ACMSD: variants seen among roughly 807,000 people sequenced by gnomAD.
ACMSD encodes the protein 2-amino-3-carboxymuconate-6-semialdehyde decarboxylase.
A neutral mutation model predicts 45.9 loss-of-function variants in ACMSD; 37 were observed. The observed-to-expected ratio is 0.81, with a 90% CI of 0.62 to 1.06. ACMSD has a LOEUF of 1.06. Ranked by LOEUF, ACMSD falls within the 50% of genes least tolerant of loss-of-function variation. The probability of loss-of-function intolerance (pLI) is 0.00; values close to 1 mark genes in which losing one functional copy is unlikely to be tolerated. For missense variants in ACMSD, 434 were observed against 420.9 expected, an observed-to-expected ratio of 1.03 and a Z score of -0.27; for synonymous variants, 138 against 148.8, an observed-to-expected ratio of 0.93 and a Z score of 0.53.
At chr2:134,859,506 G>T in intron 3 of ACMSD, 149 bp downstream of exon 3, 1 of 651,434 alleles carries the variant, frequency 1.5e-6, no homozygotes, top group Non-Finnish European at 2.7e-6. Context: ...GGAGGGACAG[G>T]GCCTTCCACT....
chr2:134,877,220 A>C (rs910412046), intron 8 of ACMSD, among the ~76,000 whole-genome samples: 8 of 152,208 alleles, frequency 5.3e-5, no homozygotes, highest in Non-Finnish European at 7.3e-5. Context: ...AGCAATAGAA[A>C]CTTTTCAGCT....
At chr2:134,853,429 A>C (rs1167326820) in intron 2 of ACMSD, among the ~76,000 whole-genome samples, 1 of 152,138 alleles carries the variant, frequency 6.6e-6, no homozygotes, top group South Asian at 2.1e-4. Context: ...TAAAAAAAAA[A>C]AACTTGATTT....
At chr2:134,875,110 C>T (rs1688665930) in intron 8 of ACMSD, among the ~76,000 whole-genome samples, 1 of 152,154 alleles carries the variant, frequency 6.6e-6, no homozygotes, top group Admixed American at 6.5e-5. Context: ...AAGCCATCCT[C>T]CCACCTCAGC....
At chr2:134,880,736 G>C (rs537640539) in intron 8 of ACMSD, among the ~76,000 whole-genome samples, 1 of 151,466 alleles carries the variant, frequency 6.6e-6, no homozygotes, top group Non-Finnish European at 1.5e-5. Context: ...TTAAAGTCTC[G>C]GTCTTTCATA....
intron 7 of ACMSD, 68 bp from the exon 8 acceptor site, chr2:134,872,401 A>G: frequency 6.3e-7 from 1 of 1,577,722 alleles, no homozygotes; most frequent in South Asian, 1.1e-5. Context: ...CTTCTTGCAT[A>G]TAACATCAAG....
At chr2:134,871,113 G>C in intron 7 of ACMSD, 53 bp downstream of exon 7, 1 of 1,454,304 alleles carries the variant, frequency 6.9e-7, no homozygotes, top group Non-Finnish European at 9.6e-7. Flanking sequence ...AAATCCCACA[G>C]ATGGGGTGAC....
intron 2 of ACMSD, among the ~76,000 whole-genome samples, chr2:134,853,736 T>C (rs750307917): frequency 1.8e-4 from 28 of 152,184 alleles, no homozygotes; most frequent in South Asian, 6.2e-4. Flanking sequence ...GGGGGCTTAT[T>C]ATACGGGCAC....
chr2:134,872,364 T>C, intron 7 of ACMSD, 105 bp from the exon 8 acceptor site: 5 of 1,272,904 alleles, frequency 3.9e-6, no homozygotes, highest in Non-Finnish European at 5.5e-6. Context: ...CCTCTGTAAT[T>C]ACTGTTAATC....
chr2:134,853,478 G>T (rs13431867), intron 2 of ACMSD, among the ~76,000 whole-genome samples: 1 of 152,070 alleles, frequency 6.6e-6, no homozygotes, highest in Non-Finnish European at 1.5e-5. Flanking sequence ...TTGGGCTCTG[G>T]TTGTCTAAAT....
rs1687873103 is a variant in ACMSD, at chr2:134,862,004, A to T, written c.235A>T (p.Met79Leu). The change falls in exon 4 of 10, where the codon ATG (methionine) becomes TTG (leucine). Residue 79 changes from methionine (M) to leucine (L), a missense_variant. By Grantham distance (15) the Met-to-Leu change is conservative. Transcript: ENST00000356140. ...GCAAGCCCTTTCCACAGTTCCTGTC[A>T]TGTTTAGCTACTGGGTGAGTGTGAA... ...TVQALSTVPV[M>L]FSYWAKPEDT... 1 of 1,613,990 alleles carries T rather than the reference A, an allele frequency of 6.2e-7. No homozygotes were observed. Among genetic ancestry groups the T allele is most frequent in the South Asian group, 1.1e-5 (1 of 91,080 alleles).
intron 2 of ACMSD, among the ~76,000 whole-genome samples, chr2:134,847,850 T>C (rs113970919): frequency 0.029 from 3,208 of 111,376 alleles, 124 homozygotes; most frequent in African/African-American, 0.11. Flanking sequence ...TCTTTTCTTC[T>C]TTTTCTTTTT....
At chr2:134,882,625 G>A (rs1052669006) in intron 8 of ACMSD, among the ~76,000 whole-genome samples, 5 of 152,166 alleles carry the variant, frequency 3.3e-5, no homozygotes, top group African/African-American at 1.2e-4. Flanking sequence ...CTCTTTCTCT[G>A]GGAAATTATG....
chr2:134,861,863 A>G (rs1271149865), intron 3 of ACMSD, 106 bp from the exon 4 acceptor site: 1 of 1,166,718 alleles, frequency 8.6e-7, no homozygotes, highest in Admixed American at 1.7e-5. Context: ...GAGGGAGAGC[A>G]GGAGGAGTTT....
At chr2:134,884,089 T>C (rs566868343) in intron 8 of ACMSD, among the ~76,000 whole-genome samples, 1 of 152,152 alleles carries the variant, frequency 6.6e-6, no homozygotes, top group Non-Finnish European at 1.5e-5. Context: ...ATAACAGGTA[T>C]GAAAAATGAA....
Position 134,838,671 on chromosome 2 carries a change from G to A in ACMSD, c.-12G>A, listed in dbSNP as rs1385965054. 2 of 1,605,910 alleles carry A rather than the reference G, an allele frequency of 1.2e-6. No individual in the cohort carries two copies. Among genetic ancestry groups the A allele is most frequent in the South Asian group, 1.1e-5 (1 of 88,412 alleles). ...AACTTCTTTCCTTGCATGCTTCTCT[G>A]ATCCTGTGGAGATGAAAATTGACAT... On this transcript the variant is annotated 5_prime_UTR_variant, in exon 1 of 10. It removes the in-frame stop codon of an upstream open reading frame in the 5' UTR. Transcript: ENST00000356140.
In ACMSD at chr2:134,892,462, A is replaced by AAAATAAAT. The variant is rs4055120; in HGVS notation, c.850-5846_850-5839dup. Among the ~76,000 whole-genome samples, 1,298 of 148,454 alleles carry AAAATAAAT rather than the reference A, an allele frequency of 8.7e-3. 43 individuals are homozygous for AAAATAAAT. In the East Asian group the frequency reaches 0.11, roughly 13 times the overall value. Reference sequence around the variant, plus strand: ...GTCTTAGGTTTCTATTGCTGTGGAAAAAATAAATAAATAAATAAATAAATA... The same window carrying AAAATAAAT: ...GTCTTAGGTTTCTATTGCTGTGGAAAAAATAAATAAATAAATAAATAAATAAATAAATA... On this transcript the variant is annotated intron_variant, in intron 8 of 9. Transcript: ENST00000356140.
At chr2:134,858,497 TAAAAG>T (rs928392166) in intron 2 of ACMSD, among the ~76,000 whole-genome samples, 2 of 152,200 alleles carry the variant, frequency 1.3e-5, no homozygotes, top group African/African-American at 4.8e-5. Context: ...TGAAAATTGC[TAAAAG>T]AATAGATTTT....
chr2:134,885,252 A>G (rs1158461977), intron 8 of ACMSD, among the ~76,000 whole-genome samples: 1 of 107,900 alleles, frequency 9.3e-6, no homozygotes, highest in Admixed American at 1.5e-4. Context: ...ATATATTTAT[A>G]TATAATATAT....
At chr2:134,873,331 A>C (rs1476501211) in intron 8 of ACMSD, 1 of 152,238 alleles carries the variant, frequency 6.6e-6, no homozygotes, top group Non-Finnish European at 1.5e-5. Context: ...CCACCCTTTA[A>C]GTATTCTTTA....
Sources: gnomAD v4.1 joint callset for allele counts (sites outside exome capture counted in the v4.1 genomes callset) on GRCh38, gnomAD v4.1.1 for gene constraint, MANE v1.5 for transcripts, NCBI Gene and HGNC (gene_info 2026-07-23, HGNC 2026-07-21) for gene names.